The following PPP4R4 variants were observed in gnomAD, a reference collection of about 807,000 sequenced individuals.
The protein encoded by PPP4R4 is serine/threonine-protein phosphatase 4 regulatory subunit 4.
PPP4R4 carries 70 observed loss-of-function variants against 121.8 expected under a neutral mutation model. That is an observed-to-expected ratio of 0.57 (90% CI 0.47 to 0.70). The LOEUF (loss-of-function observed/expected upper bound fraction) is 0.70. Among genes scored for constraint, PPP4R4 ranks in the 30% least tolerant of loss-of-function variants. The pLI is 0.00. For synonymous variants in PPP4R4, 348 were observed against 355.7 expected (o/e 0.98, Z 0.24); for missense variants, 875 against 1,033.6 (o/e 0.85, Z 2.10).
chr14:94,175,790 T>C (rs1010337827), intron 1 of PPP4R4: 4 of 478,234 alleles, frequency 8.4e-6, no homozygotes, highest in African/African-American at 7.6e-5. Context: ...GAAGCCACGA[T>C]GTGATTTTCA....
intron 7 of PPP4R4, among the ~76,000 whole-genome samples, chr14:94,235,110 A>G (rs1315075779): frequency 6.6e-6 from 1 of 152,184 alleles, no homozygotes; most frequent in Non-Finnish European, 1.5e-5. Context: ...ATCCTTCCAC[A>G]TGTTTAAAAT....
chr14:94,230,718 G>A lies in PPP4R4; in HGVS notation c.426G>A (p.Leu142=), dbSNP rs1891977204. The A allele has an allele frequency of 6.2e-7, 1 of 1,613,198 alleles. No homozygotes were observed. Among genetic ancestry groups the A allele is most frequent in the Non-Finnish European group, 8.5e-7 (1 of 1,179,468 alleles). The change falls in exon 4 of 25, where the codon CTG becomes CTA. Residue 142 remains leucine, a synonymous_variant. Transcript: ENST00000304338. ...TCCTCCAAGTCATTCTCCTGCATCTGGAGCACAGGGACACAGGTCAGGGGC... is the reference window on the plus strand; with the variant it reads ...TCCTCCAAGTCATTCTCCTGCATCTAGAGCACAGGGACACAGGTCAGGGGC... ...HSFLQVILLH[L]EHRDTGVSNA...
chr14:94,277,225 C>T (rs1433090729), intron 24 of PPP4R4, among the ~76,000 whole-genome samples: 9 of 152,098 alleles, frequency 5.9e-5, no homozygotes, highest in Non-Finnish European at 7.4e-5. Context: ...CGCTTCAACC[C>T]GGGAGGCGGA....
At chr14:94,278,567 A>T (rs1894764919) in intron 24 of PPP4R4, 52 bp from the exon 25 acceptor site, 1 of 1,315,998 alleles carries the variant, frequency 7.6e-7, no homozygotes, top group Non-Finnish European at 1.1e-6. Context: ...TCCCTTTCTC[A>T]CTCCCTCCTT....
At chr14:94,239,484 A>C (rs2139563102) in intron 8 of PPP4R4, among the ~76,000 whole-genome samples, 1 of 151,660 alleles carries the variant, frequency 6.6e-6, no homozygotes, top group Non-Finnish European at 1.5e-5. Context: ...TTTGCTGAGA[A>C]TGATCCTTCT....
chr14:94,182,336 C>T (rs1889039084), intron 2 of PPP4R4, among the ~76,000 whole-genome samples: 1 of 152,132 alleles, frequency 6.6e-6, no homozygotes, highest in African/African-American at 2.4e-5. Context: ...GTTGAATTTT[C>T]ACAAGTGAAC....
chr14:94,254,544 G>A (rs959203658), intron 16 of PPP4R4, among the ~76,000 whole-genome samples: 1 of 151,972 alleles, frequency 6.6e-6, no homozygotes, highest in Admixed American at 6.6e-5. Flanking sequence ...TACCCTTTTT[G>A]GTTAAATCAA....
intron 3 of PPP4R4, among the ~76,000 whole-genome samples, chr14:94,214,302 G>A (rs1172215675): frequency 6.6e-6 from 1 of 152,092 alleles, no homozygotes; most frequent in Non-Finnish European, 1.5e-5. Flanking sequence ...AGACTTTTTG[G>A]GGGTTTGGAG....
At chr14:94,176,023 G>A in intron 1 of PPP4R4, 31 bp from the exon 2 acceptor site, 2 of 1,552,296 alleles carry the variant, frequency 1.3e-6, no homozygotes, top group Non-Finnish European at 1.8e-6. Flanking sequence ...CAATATTTGT[G>A]GTGCATAAAT....
chr14:94,253,331 A>G (rs978827979), intron 16 of PPP4R4, among the ~76,000 whole-genome samples: 1 of 152,128 alleles, frequency 6.6e-6, no homozygotes, highest in Non-Finnish European at 1.5e-5. Flanking sequence ...GTGGTGGCAC[A>G]TGCCTGCAGT....
chr14:94,237,326 G>T (rs1214267348), intron 7 of PPP4R4, among the ~76,000 whole-genome samples: 1 of 152,066 alleles, frequency 6.6e-6, no homozygotes, highest in Non-Finnish European at 1.5e-5. Context: ...GATTTCTGTA[G>T]GTAACAATAT....
rs772745130 is a variant in PPP4R4, at chr14:94,266,969, A to C, written c.2389A>C (p.Thr797Pro). 3 of 1,582,782 alleles carry C rather than the reference A, an allele frequency of 1.9e-6. No homozygotes were observed. The highest frequency in any genetic ancestry group is 2.7e-5 in the African/African-American group (2 of 73,910). Reference sequence around the variant, plus strand: ...CATGTTGTTTTCTAGTAAAAGTTCTACAACAGGATATACAACTTCTGTCTC... The same window carrying C: ...CATGTTGTTTTCTAGTAAAAGTTCTCCAACAGGATATACAACTTCTGTCTC... ...NLEKCASKSS[T>P]TGYTTSVSGL... The change falls in exon 23 of 25, where the codon ACA (threonine) becomes CCA (proline). Residue 797 changes from threonine to proline, a missense_variant. Coordinates refer to ENST00000304338, the MANE Select transcript of PPP4R4 (RefSeq NM_058237.2).
intron 3 of PPP4R4, among the ~76,000 whole-genome samples, chr14:94,224,348 A>T (rs1289174319): frequency 6.6e-6 from 1 of 152,152 alleles, no homozygotes; most frequent in African/African-American, 2.4e-5. Flanking sequence ...GTGATGTAGG[A>T]TGGAATGGAA....
At chr14:94,199,269 C>T (rs1480879988) in intron 2 of PPP4R4, among the ~76,000 whole-genome samples, 1 of 152,172 alleles carries the variant, frequency 6.6e-6, no homozygotes, top group Admixed American at 6.5e-5. Context: ...GAAAAGTTCC[C>T]CAGACCGCTC....
At chr14:94,278,176 A>G (rs1894742491) in intron 24 of PPP4R4, among the ~76,000 whole-genome samples, 1 of 152,218 alleles carries the variant, frequency 6.6e-6, no homozygotes, top group Non-Finnish European at 1.5e-5. Flanking sequence ...ATTCTATGCA[A>G]TACATTCCCC....
intron 14 of PPP4R4, among the ~76,000 whole-genome samples, chr14:94,249,822 T>C (rs967073172): frequency 6.6e-6 from 1 of 152,042 alleles, no homozygotes; most frequent in Admixed American, 6.5e-5. Context: ...TGGCATGTTA[T>C]AGCAAATGTT....
At chr14:94,219,411 A>G (rs1891263275) in intron 3 of PPP4R4, among the ~76,000 whole-genome samples, 1 of 152,162 alleles carries the variant, frequency 6.6e-6, no homozygotes, top group Non-Finnish European at 1.5e-5. Context: ...CCAGATGGAA[A>G]TTGATTTACA....
intron 3 of PPP4R4, among the ~76,000 whole-genome samples, chr14:94,228,563 T>A (rs1891848476): frequency 6.6e-6 from 1 of 152,186 alleles, no homozygotes; most frequent in South Asian, 2.1e-4. Flanking sequence ...TGAGAATACA[T>A]TTCTATGTGA....
intron 3 of PPP4R4, among the ~76,000 whole-genome samples, chr14:94,222,427 A>T (rs1369464343): frequency 2.0e-5 from 3 of 151,810 alleles, no homozygotes; most frequent in Non-Finnish European, 4.4e-5. Context: ...TTATTATTTA[A>T]TCCTCTTCTG....
Sources: allele counts gnomAD v4.1 joint callset (sites outside exome capture counted in the v4.1 genomes callset), GRCh38; gene constraint gnomAD v4.1.1; transcripts MANE v1.5; gene names NCBI Gene and HGNC (gene_info 2026-07-23, HGNC 2026-07-21).